TMEM132D: variants seen among roughly 807,000 people sequenced by gnomAD.
The protein encoded by TMEM132D is mature OL transmembrane protein.
In TMEM132D, 21 loss-of-function variants were observed where a neutral mutation model predicts 62.3. The ratio of observed to expected loss-of-function variants is 0.34; its 90% confidence interval spans 0.24 to 0.49. The LOEUF (loss-of-function observed/expected upper bound fraction) is 0.49. TMEM132D is among the 20% of genes least tolerant of loss of function. The pLI, the probability that TMEM132D is intolerant of heterozygous loss-of-function variation, is 0.99. For missense variants in TMEM132D, 1,346 were observed against 1,402.8 expected (o/e 0.96, Z 0.65); for synonymous variants, 621 against 575.6 (o/e 1.08, Z -1.13).
At chr12:129,386,456 A>ACCAACG (rs1235082254) in intron 3 of TMEM132D, among the ~76,000 whole-genome samples, 2 of 152,072 alleles carry the variant, frequency 1.3e-5, no homozygotes, top group Non-Finnish European at 2.9e-5. Flanking sequence ...TAACACTAAT[A>ACCAACG]CCAACGCCAA....
intron 3 of TMEM132D, among the ~76,000 whole-genome samples, chr12:129,446,706 G>C (rs1873108060): frequency 1.3e-5 from 2 of 152,126 alleles, no homozygotes; most frequent in South Asian, 4.1e-4. Flanking sequence ...GTGTAAAACT[G>C]ATTAAAAGAG....
At chr12:129,664,525 C>T (rs975458818) in intron 2 of TMEM132D, among the ~76,000 whole-genome samples, 3 of 145,580 alleles carry the variant, frequency 2.1e-5, no homozygotes, top group African/African-American at 7.6e-5. Flanking sequence ...CCTGGGTTCA[C>T]ACCATTCTCC....
chr12:129,366,691 A>C (rs1870425309), intron 3 of TMEM132D, among the ~76,000 whole-genome samples: 1 of 152,210 alleles, frequency 6.6e-6, no homozygotes, highest in African/African-American at 2.4e-5. Context: ...ACAGGCATTA[A>C]CTGAGGTCTT....
intron 1 of TMEM132D, among the ~76,000 whole-genome samples, chr12:129,783,660 A>G (rs1176972415): frequency 2.2e-4 from 33 of 152,222 alleles, no homozygotes. Context: ...CCAAATGTTC[A>G]GAACGTCTGC....
chr12:129,781,543 C>G (rs972563342), intron 1 of TMEM132D, among the ~76,000 whole-genome samples: 1 of 152,128 alleles, frequency 6.6e-6, no homozygotes, highest in Non-Finnish European at 1.5e-5. Flanking sequence ...TTTTCCCCCT[C>G]ATGTAGAGAG....
chr12:129,468,439 G>A (rs1235532284), intron 3 of TMEM132D, among the ~76,000 whole-genome samples: 1 of 152,124 alleles, frequency 6.6e-6, no homozygotes, highest in East Asian at 1.9e-4. Context: ...TGAAAGACGT[G>A]GATGCAAATA....
intron 2 of TMEM132D, among the ~76,000 whole-genome samples, chr12:129,573,674 C>T (rs1877579977): frequency 5.3e-5 from 8 of 151,800 alleles, no homozygotes; most frequent in Admixed American, 5.2e-4. Flanking sequence ...TTTAGCATAG[C>T]CTCAAACTAG....
At chr12:129,534,179 T>A (rs1275818446) in intron 2 of TMEM132D, among the ~76,000 whole-genome samples, 1 of 152,158 alleles carries the variant, frequency 6.6e-6, no homozygotes, top group Non-Finnish European at 1.5e-5. Flanking sequence ...TGTGGTTCAA[T>A]AAATACAGGT....
chr12:129,651,799 G>A (rs1003718427), intron 2 of TMEM132D, among the ~76,000 whole-genome samples: 4 of 152,178 alleles, frequency 2.6e-5, no homozygotes, highest in African/African-American at 9.7e-5. Flanking sequence ...TACAGTAGGA[G>A]TTCTGGGCAT....
intron 1 of TMEM132D, among the ~76,000 whole-genome samples, chr12:129,868,659 G>T (rs143455667): frequency 6.6e-6 from 1 of 152,278 alleles, no homozygotes; most frequent in East Asian, 1.9e-4. Context: ...GCACATTCAG[G>T]TGCTTCAAGT....
chr12:129,185,715 CTCTA>C (rs144133054), intron 5 of TMEM132D, among the ~76,000 whole-genome samples: 4,596 of 151,850 alleles, frequency 0.03, 215 homozygotes, highest in African/African-American at 0.1. Flanking sequence ...GTCTGTCTGT[CTCTA>C]TCTATCTGTC....
chr12:129,225,873 C>T (rs1224453548), intron 4 of TMEM132D, among the ~76,000 whole-genome samples: 2 of 152,162 alleles, frequency 1.3e-5, no homozygotes, highest in Non-Finnish European at 2.9e-5. Flanking sequence ...CCCCAGCCCC[C>T]ACAGCCACTC....
chr12:129,238,349 A>T (rs1879841601), intron 4 of TMEM132D, among the ~76,000 whole-genome samples: 1 of 152,232 alleles, frequency 6.6e-6, no homozygotes, highest in Non-Finnish European at 1.5e-5. Context: ...ACATAATATA[A>T]AAGTTTCCAA....
At chr12:129,894,018 G>A (rs1410428083) in intron 1 of TMEM132D, among the ~76,000 whole-genome samples, 1 of 152,220 alleles carries the variant, frequency 6.6e-6, no homozygotes, top group African/African-American at 2.4e-5. Context: ...AGATGAGGCT[G>A]GGCGTGAAGT....
rs544439514 is a variant in TMEM132D, at chr12:129,108,505, G to A, written c.1444-23803C>T. Among the ~76,000 whole-genome samples, 50 of 152,296 alleles carry A rather than the reference G, an allele frequency of 3.3e-4. 1 individual carries two copies. The highest frequency in any genetic ancestry group is 1.9e-3 in the South Asian group (9 of 4,820). On this transcript the variant is annotated intron_variant, in intron 5 of 8. Coordinates refer to ENST00000422113, the MANE Select transcript of TMEM132D (RefSeq NM_133448.3). ...GTCCTGTTTAGCTTGTGGCTGGGCT[G>A]TAATGTTCAGCAGGAGGGAGATGAC...
At chr12:129,089,455 TA>T (rs1874822740) in intron 5 of TMEM132D, among the ~76,000 whole-genome samples, 1 of 25,642 alleles carries the variant, frequency 3.9e-5, no homozygotes, top group African/African-American at 3.4e-4. Flanking sequence ...GGGTGTCCTC[TA>T]TGACCGGGTG....
chr12:129,495,295 G>A (rs1212597275), intron 3 of TMEM132D, among the ~76,000 whole-genome samples: 1 of 152,138 alleles, frequency 6.6e-6, no homozygotes, highest in East Asian at 1.9e-4. Context: ...CTGTTGCGTA[G>A]CTATCCGAGG....
chr12:129,522,422 T>G (rs1566097060), intron 3 of TMEM132D: 1 of 152,176 alleles, frequency 6.6e-6, no homozygotes, highest in Admixed American at 6.6e-5. Context: ...AATACTATTA[T>G]CTTTCTAAGC....
At chr12:129,148,766 A>G (rs1448623351) in intron 5 of TMEM132D, among the ~76,000 whole-genome samples, 1 of 152,204 alleles carries the variant, frequency 6.6e-6, no homozygotes, top group Non-Finnish European at 1.5e-5. Context: ...CCACAGCTGC[A>G]TGCCAGGGCT....
Sources: allele counts gnomAD v4.1 joint callset (sites outside exome capture counted in the v4.1 genomes callset), GRCh38; gene constraint gnomAD v4.1.1; transcripts MANE v1.5; gene names NCBI Gene and HGNC (gene_info 2026-07-23, HGNC 2026-07-21).